QPCT: variants seen among roughly 807,000 people sequenced by gnomAD.
QPCT encodes the protein EC.
Under a neutral mutation model 43.4 loss-of-function variants are expected in QPCT, and 44 were observed. The ratio of observed to expected loss-of-function variants is 1.01; its 90% confidence interval spans 0.80 to 1.30. The LOEUF (loss-of-function observed/expected upper bound fraction) is 1.30. Among genes scored for constraint, QPCT ranks in the 50% most tolerant of loss-of-function variants. The probability of loss-of-function intolerance (pLI) is 0.00; values close to 1 mark genes in which losing one functional copy is unlikely to be tolerated. For missense variants in QPCT, 526 were observed against 436.5 expected, an observed-to-expected ratio of 1.21 and a Z score of -1.83; for synonymous variants, 168 against 168.4, an observed-to-expected ratio of 1.00 and a Z score of 0.02.
chr2:37,361,466 G>C (rs80341554), intron 3 of QPCT, among the ~76,000 whole-genome samples: 4,270 of 152,274 alleles, frequency 0.028, 185 homozygotes, highest in African/African-American at 0.097. Flanking sequence ...TTCATTATTT[G>C]ACTTGCCTTA....
chr2:37,363,938 A>G (rs72864887), intron 3 of QPCT, among the ~76,000 whole-genome samples: 5,899 of 152,144 alleles, frequency 0.039, 376 homozygotes, highest in African/African-American at 0.13. Flanking sequence ...TTTTTTTAGA[A>G]GAGGAATGAC....
At chr2:37,347,084 A>C (rs4444500) in intron 1 of QPCT, among the ~76,000 whole-genome samples, 47,482 of 122,866 alleles carry the variant, frequency 0.39, 10,247 homozygotes, top group East Asian at 0.54. Flanking sequence ...AAATTGTTAA[A>C]CTCCCAGGTG....
In QPCT at chr2:37,366,374, A is replaced by G. The variant is rs553818172; in HGVS notation, c.547-858A>G. Among the ~76,000 whole-genome samples, 6 of 152,260 alleles carry G rather than the reference A, an allele frequency of 3.9e-5. No homozygotes were observed. In the South Asian group the frequency reaches 1.2e-3, roughly 32 times the overall value. On this transcript the variant is annotated intron_variant, in intron 3 of 6. Coordinates refer to ENST00000338415, the MANE Select transcript of QPCT (RefSeq NM_012413.4). ...TTCTATCCAATTTCTAGAGGACTTTAATGTTACATTTGTGGCTGGTGGCAC... is the reference window on the plus strand; with the variant it reads ...TTCTATCCAATTTCTAGAGGACTTTGATGTTACATTTGTGGCTGGTGGCAC...
At position 37,371,431 on chromosome 2, in the gene QPCT, C is replaced by CAAA. The variant is rs3050580; in HGVS notation, c.824-906_824-904dup. Among the ~76,000 whole-genome samples, 215 of 69,074 alleles carry CAAA rather than the reference C, an allele frequency of 3.1e-3. 2 individuals are homozygous for CAAA. Among genetic ancestry groups the CAAA allele is most frequent in the African/African-American group, 3.5e-3 (74 of 21,136 alleles). The allele number at this position is 69,074 out of a possible 152,430, so 45.3% of individuals were successfully genotyped here. A position where few individuals can be genotyped will look rare whatever the true frequency, so the allele number is the denominator to read the frequency against. ...CCTGGGCGACAGCGAGACTCCATCTCAAAAAAAAAAAAAAAAAAAAAGAAA... is the reference window on the plus strand; with the variant it reads ...CCTGGGCGACAGCGAGACTCCATCTCAAAAAAAAAAAAAAAAAAAAAAAAGAAA... On this transcript the variant is annotated intron_variant, in intron 5 of 6. Coordinates refer to ENST00000338415, the MANE Select transcript of QPCT (RefSeq NM_012413.4).
At chr2:37,364,220 A>G (rs569555262) in intron 3 of QPCT, among the ~76,000 whole-genome samples, 55 of 152,220 alleles carry the variant, frequency 3.6e-4, no homozygotes, top group Non-Finnish European at 7.2e-4. Context: ...TTTTTGCCCT[A>G]GAAGTTGCTT....
chr2:37,372,450 C>A lies in QPCT; in HGVS notation c.918C>A (p.Asp306Glu), dbSNP rs1002996913. The change falls in exon 6 of 7, where the codon GAC becomes GAA. Residue 306 changes from aspartate (D) to glutamate (E), a missense_variant. Coordinates refer to ENST00000338415, the MANE Select transcript of QPCT (RefSeq NM_012413.4). ...NYSYGGVIQD[D>E]HIPFLRRGVP... ...GTTATGGAGGTGTGATTCAGGATGACCATATTCCATTTTTAAGAAGAGGTA... is the reference window on the plus strand; with the variant it reads ...GTTATGGAGGTGTGATTCAGGATGAACATATTCCATTTTTAAGAAGAGGTA... The A allele has an allele frequency of 3.3e-5, 54 of 1,612,710 alleles. No individual in the cohort carries two copies. The highest frequency in any genetic ancestry group is 4.4e-5 in the Non-Finnish European group (52 of 1,179,038).
At chr2:37,344,962 TC>T in intron 1 of QPCT, 111 bp downstream of exon 1, 1 of 1,411,718 alleles carries the variant, frequency 7.1e-7, no homozygotes, top group Non-Finnish European at 9.2e-7. Context: ...AGGGCCACGG[TC>T]CCCAGCCCAG....
intron 2 of QPCT, chr2:37,358,635 A>T (rs1672797713): frequency 6.6e-6 from 1 of 152,192 alleles, no homozygotes; most frequent in African/African-American, 2.4e-5. Context: ...TACTTTCTGC[A>T]CCTGTTGCTT....
At chr2:37,362,909 C>T (rs993214017) in intron 3 of QPCT, among the ~76,000 whole-genome samples, 3 of 151,928 alleles carry the variant, frequency 2.0e-5, no homozygotes, top group Admixed American at 2.0e-4. Flanking sequence ...TAAGTGAGTG[C>T]CCCCTTGTGC....
Position 37,359,561 on chromosome 2 carries a change from G to A in QPCT, c.268-19G>A. 6.3e-7 allele frequency: 1 copy of A among 1,577,684 alleles called. No homozygotes were observed. The highest frequency in any genetic ancestry group is 2.3e-5 in the East Asian group (1 of 44,368). Reference sequence around the variant, plus strand: ...CCATTTCTTTAGATCTAAATTTTTTGTTTTTTTGTTTTGATCAGCACATCA... The same window carrying A: ...CCATTTCTTTAGATCTAAATTTTTTATTTTTTTGTTTTGATCAGCACATCA... On this transcript the variant is annotated intron_variant, in intron 2 of 6. Transcript: ENST00000338415.
rs1672825553 is a variant in QPCT, at chr2:37,359,754, C to T, written c.442C>T (p.His148Tyr). 1 of 1,614,120 alleles carries T rather than the reference C, an allele frequency of 6.2e-7. No homozygotes were observed. The highest frequency in any genetic ancestry group is 8.5e-7 in the Non-Finnish European group (1 of 1,179,978). ...CCACTATGACTCCAAGTATTTTTCC[C>T]ACTGGAACAACAGAGTGTTTGTAGG... The part of the protein sequence containing the change: ...ACHYDSKYFS[H>Y]WNNRVFVGAT... Residue 148 changes from histidine (H) to tyrosine (Y), a missense_variant, in exon 3 of 7, where the codon CAC (histidine) becomes TAC (tyrosine). Transcript: ENST00000338415.
rs140361996 is a variant in QPCT at position 37,345,826 on chromosome 2, A to C, written c.120+975A>C. On this transcript the variant is annotated intron_variant, in intron 1 of 6. Transcript: ENST00000338415. The stretch of plus-strand genomic sequence containing the variant: ...GCTCCAACCTGGGCGACACAGCGAG[A>C]CTCCGTCTCAAAAAAAAAAAAAAAA... 4.9e-3 allele frequency among the ~76,000 whole-genome samples: 643 copies of C among 132,324 alleles called. 4 individuals are homozygous for C. Among genetic ancestry groups the C allele is most frequent in the African/African-American group, 0.017 (614 of 35,140 alleles). The allele number at this position is 132,324 out of a possible 152,430, so 86.8% of individuals were successfully genotyped here.
chr2:37,351,568 G>A (rs2124932536), intron 1 of QPCT, among the ~76,000 whole-genome samples: 1 of 152,300 alleles, frequency 6.6e-6, no homozygotes, highest in East Asian at 1.9e-4. Context: ...AATCATCTGA[G>A]TTGGCACTGT....
At chr2:37,365,901 G>A (rs72792854) in intron 3 of QPCT, among the ~76,000 whole-genome samples, 6,865 of 152,270 alleles carry the variant, frequency 0.045, 180 homozygotes, top group Non-Finnish European at 0.062. Context: ...TGAGGTTTGT[G>A]GTCATGAACT....
At chr2:37,346,141 A>G (rs1672485548) in intron 1 of QPCT, among the ~76,000 whole-genome samples, 1 of 152,180 alleles carries the variant, frequency 6.6e-6, no homozygotes, top group Admixed American at 6.5e-5. Flanking sequence ...ACATGCATAT[A>G]TATATGAATA....
chr2:37,358,461 C>CAAAACAAAACAAAAA (rs573104238), intron 2 of QPCT, among the ~76,000 whole-genome samples: 6 of 151,244 alleles, frequency 4.0e-5, no homozygotes, highest in Admixed American at 1.3e-4. Context: ...CAAAACAAAA[C>CAAAACAAAACAAAAA]AAACAAACAA....
chr2:37,353,026 A>C, intron 2 of QPCT, 91 bp downstream of exon 2: 1 of 1,421,856 alleles, frequency 7.0e-7, no homozygotes, highest in Non-Finnish European at 9.4e-7. Flanking sequence ...GAGGTGTCTA[A>C]TATTCAGATC....
At chr2:37,372,656 G>A in intron 6 of QPCT, 26 bp from the exon 7 acceptor site, 2 of 1,607,892 alleles carry the variant, frequency 1.2e-6, no homozygotes, top group South Asian at 2.2e-5. Context: ...AATGCACATT[G>A]TTACAAGTTG....
chr2:37,367,506 C>T (rs1320185266), intron 4 of QPCT, 98 bp downstream of exon 4: 1 of 1,202,014 alleles, frequency 8.3e-7, no homozygotes, highest in Non-Finnish European at 1.2e-6. Context: ...GCCACAGCAT[C>T]CTTGGAGCAC....
Sources: allele counts gnomAD v4.1 joint callset (sites outside exome capture counted in the v4.1 genomes callset), GRCh38; gene constraint gnomAD v4.1.1; transcripts MANE v1.5; gene names NCBI Gene and HGNC (gene_info 2026-07-23, HGNC 2026-07-21).